The following WDR70 variants were observed in gnomAD, a reference collection of about 807,000 sequenced individuals.
WDR70 encodes the protein WD repeat domain 70.
WDR70 carries 53 observed loss-of-function variants against 88.6 expected under a neutral mutation model. The observed-to-expected ratio is 0.60, with a 90% CI of 0.48 to 0.75. WDR70 has a LOEUF of 0.75. WDR70 is among the 30% of genes least tolerant of loss of function. The pLI is 0.00. For missense variants in WDR70, 610 were observed against 823.2 expected (o/e 0.74, Z 3.17); for synonymous variants, 280 against 270.0 (o/e 1.04, Z -0.36).
At chr5:37,637,735 A>G (rs1745011330) in intron 10 of WDR70, among the ~76,000 whole-genome samples, 2 of 152,234 alleles carry the variant, frequency 1.3e-5, no homozygotes, top group African/African-American at 2.4e-5. Flanking sequence ...TGTAGAGCAC[A>G]TAATTCTTGG....
At chr5:37,450,788 T>C (rs541050445) in intron 7 of WDR70, among the ~76,000 whole-genome samples, 2 of 152,334 alleles carry the variant, frequency 1.3e-5, no homozygotes, top group Non-Finnish European at 2.9e-5. Context: ...ATTTTAGGCT[T>C]TACAGGTCAC....
chr5:37,446,362 GC>G (rs756748429), intron 7 of WDR70, among the ~76,000 whole-genome samples: 1 of 152,078 alleles, frequency 6.6e-6, no homozygotes, highest in Non-Finnish European at 1.5e-5. Context: ...TGGCCATACT[GC>G]CCAAGGTAAT....
chr5:37,402,926 C>T (rs1424453196), intron 5 of WDR70, among the ~76,000 whole-genome samples: 1 of 146,906 alleles, frequency 6.8e-6, no homozygotes, highest in Admixed American at 7.2e-5. Flanking sequence ...CTCTTTCCCT[C>T]CTTCCCTCCC....
intron 3 of WDR70, among the ~76,000 whole-genome samples, chr5:37,383,309 G>T (rs1748491586): frequency 6.6e-6 from 1 of 152,102 alleles, no homozygotes; most frequent in African/African-American, 2.4e-5. Context: ...GCCCAGGCTG[G>T]AGTGCAATGG....
chr5:37,706,739 G>A lies in WDR70; in HGVS notation c.1416+3652G>A, dbSNP rs60823190. Among the ~76,000 whole-genome samples, 1,216 of 132,668 alleles carry A rather than the reference G, an allele frequency of 9.2e-3. 18 individuals are homozygous for A. The highest frequency in any genetic ancestry group is 0.036 in the African/African-American group (1,140 of 31,842). 87.0% of individuals were successfully genotyped at this position (132,668 alleles called of 152,430 possible). A position where few individuals can be genotyped will look rare whatever the true frequency, so the allele number is the denominator to read the frequency against. On this transcript the variant is annotated intron_variant, in intron 13 of 17. Transcript: ENST00000265107. Reference sequence around the variant, plus strand: ...AATACACACACACACACACACACACGCACACAGACTCACACTCACACTCTC... The same window carrying A: ...AATACACACACACACACACACACACACACACAGACTCACACTCACACTCTC...
intron 9 of WDR70, among the ~76,000 whole-genome samples, chr5:37,576,210 A>G (rs1357978971): frequency 6.9e-6 from 1 of 145,702 alleles, no homozygotes; most frequent in East Asian, 2.1e-4. Flanking sequence ...ATTCTCCTCC[A>G]TCTGGCTCCT....
chr5:37,435,319 C>T (rs1315717587), intron 5 of WDR70, among the ~76,000 whole-genome samples: 1 of 152,148 alleles, frequency 6.6e-6, no homozygotes, highest in Non-Finnish European at 1.5e-5. Context: ...GTAAGTAGAA[C>T]ATTTCAAGTA....
intron 8 of WDR70, among the ~76,000 whole-genome samples, chr5:37,501,904 A>C (rs890660251): frequency 1.3e-5 from 2 of 152,126 alleles, no homozygotes; most frequent in African/African-American, 4.8e-5. Context: ...TCTTTTTCTT[A>C]GAATTGCTTT....
At chr5:37,421,209 T>C (rs544137829) in intron 5 of WDR70, among the ~76,000 whole-genome samples, 2 of 152,308 alleles carry the variant, frequency 1.3e-5, no homozygotes, top group African/African-American at 2.4e-5. Context: ...TGCTTAACCA[T>C]TATGCCCTAC....
At chr5:37,684,828 A>G (rs2112624320) in intron 10 of WDR70, among the ~76,000 whole-genome samples, 1 of 152,274 alleles carries the variant, frequency 6.6e-6, no homozygotes, top group East Asian at 1.9e-4. Flanking sequence ...TGGAGGGGTG[A>G]AAGGTTGCAT....
intron 10 of WDR70, among the ~76,000 whole-genome samples, chr5:37,631,036 T>A (rs1744799360): frequency 6.6e-6 from 1 of 152,170 alleles, no homozygotes; most frequent in Non-Finnish European, 1.5e-5. Flanking sequence ...TTTCCCATGA[T>A]GGAAAGTTCC....
At chr5:37,453,024 C>T (rs926496689) in intron 7 of WDR70, among the ~76,000 whole-genome samples, 1 of 152,204 alleles carries the variant, frequency 6.6e-6, no homozygotes, top group African/African-American at 2.4e-5. Context: ...ACCTAGCACA[C>T]TTTAAAAAGA....
intron 6 of WDR70, among the ~76,000 whole-genome samples, chr5:37,442,099 G>T (rs190286144): frequency 6.9e-6 from 1 of 145,052 alleles, no homozygotes; most frequent in Admixed American, 7.2e-5. Context: ...GTGCAGAGCC[G>T]CAATCTCAGC....
chr5:37,525,373 A>G (rs1030626206), intron 9 of WDR70, among the ~76,000 whole-genome samples: 2 of 152,214 alleles, frequency 1.3e-5, no homozygotes, highest in African/African-American at 4.8e-5. Flanking sequence ...CTGCTCCTGA[A>G]TGACTTCTGG....
chr5:37,432,763 G>A, intron 5 of WDR70, among the ~76,000 whole-genome samples: 1 of 151,876 alleles, frequency 6.6e-6, no homozygotes. Context: ...ATTTTGCCAT[G>A]TTGGCCAGGG....
In WDR70 at chr5:37,626,087, C is replaced by T. The variant is rs147704735; in HGVS notation, c.1092+20849C>T. ...TCTGCAAACAGGGACATTTTGACTT[C>T]TCCCTTTCCGATTTGGATGCCTTTT... On this transcript the variant is annotated intron_variant, in intron 10 of 17. Transcript: ENST00000265107. 4.0e-5 allele frequency among the ~76,000 whole-genome samples: 6 copies of T among 148,788 alleles called. No homozygotes were observed. The East Asian group carries it at 1.2e-3, about 30-fold the overall frequency.
chr5:37,397,731 A>G (rs1226092636), intron 5 of WDR70, among the ~76,000 whole-genome samples: 1 of 152,234 alleles, frequency 6.6e-6, no homozygotes, highest in African/African-American at 2.4e-5. Context: ...ATAGTGGCTC[A>G]CATCTGTAAT....
chr5:37,710,523 A>G (rs1017107540), intron 13 of WDR70, among the ~76,000 whole-genome samples: 1 of 152,222 alleles, frequency 6.6e-6, no homozygotes, highest in African/African-American at 2.4e-5. Context: ...AGACAGGGCC[A>G]GGATTAGGGT....
intron 5 of WDR70, among the ~76,000 whole-genome samples, chr5:37,398,951 G>T (rs1749112399): frequency 6.6e-6 from 1 of 152,030 alleles, no homozygotes; most frequent in Non-Finnish European, 1.5e-5. Flanking sequence ...AGACTAGCCT[G>T]GCCAACATGG....
Sources: gnomAD v4.1 joint callset for allele counts (sites outside exome capture counted in the v4.1 genomes callset) on GRCh38, gnomAD v4.1.1 for gene constraint, MANE v1.5 for transcripts, NCBI Gene and HGNC (gene_info 2026-07-23, HGNC 2026-07-21) for gene names.